KCNN2: variants seen among roughly 807,000 people sequenced by gnomAD.
KCNN2 encodes potassium calcium-activated channel subfamily N member 2, also known as small conductance calcium-activated potassium channel protein 2.
KCNN2 carries 24 observed loss-of-function variants against 55.5 expected under a neutral mutation model. The observed-to-expected ratio is 0.43, with a 90% CI of 0.31 to 0.61. The LOEUF (loss-of-function observed/expected upper bound fraction) is 0.61. Ranked by LOEUF, KCNN2 falls within the 20% of genes least tolerant of loss-of-function variation. KCNN2 has a pLI of 0.08. For synonymous variants in KCNN2, 431 were observed against 336.1 expected (o/e 1.28, Z -3.09); for missense variants, 754 against 853.6 (o/e 0.88, Z 1.45).
At chr5:114,220,360 T>C in intron 1 of KCNN2, among the ~76,000 whole-genome samples, 1 of 152,060 alleles carries the variant, frequency 6.6e-6, no homozygotes, top group Non-Finnish European at 1.5e-5. Flanking sequence ...TACTTTACCA[T>C]GGTAGTGGGC....
chr5:114,412,619 GC>G (rs1318963285), intron 3 of KCNN2, among the ~76,000 whole-genome samples: 1 of 152,126 alleles, frequency 6.6e-6, no homozygotes, highest in East Asian at 1.9e-4. Context: ...GAAATAGGGA[GC>G]CACATATTAG....
intron 1 of KCNN2, among the ~76,000 whole-genome samples, chr5:114,211,728 T>C (rs1197535857): frequency 6.6e-6 from 1 of 152,026 alleles, no homozygotes; most frequent in East Asian, 1.9e-4. Flanking sequence ...GTTACAGTAA[T>C]TGACACATTA....
At chr5:114,382,389 A>G (rs1361591718) in intron 2 of KCNN2, among the ~76,000 whole-genome samples, 1 of 152,190 alleles carries the variant, frequency 6.6e-6, no homozygotes, top group Non-Finnish European at 1.5e-5. Flanking sequence ...TCTGTAGTGG[A>G]TATTCCCCAG....
upstream of KCNN2, among the ~76,000 whole-genome samples, chr5:114,361,457 C>T (rs934083627): frequency 4.6e-5 from 7 of 152,224 alleles, no homozygotes; most frequent in African/African-American, 1.7e-4. Context: ...GCTGCACTGG[C>T]GCAGCCGGTC....
Position 114,473,046 on chromosome 5 carries a change from G to C in KCNN2, c.1780-8G>C, listed in dbSNP as rs1761822239. 3.8e-6 allele frequency: 6 copies of C among 1,581,182 alleles called. No homozygotes were observed. Among genetic ancestry groups the C allele is most frequent in the Non-Finnish European group, 4.3e-6 (5 of 1,156,252 alleles). The stretch of plus-strand genomic sequence containing the variant: ...TGCTTTGGGTTTCTCTTCTCTCCTT[G>C]TTTTCAGGGTGCTGGTTGCACAGCC... On this transcript the variant is annotated splice_polypyrimidine_tract_variant and splice_region_variant and intron_variant, in intron 4 of 7. Transcript: ENST00000673685.
chr5:114,416,821 G>A (rs1038167310), intron 3 of KCNN2, among the ~76,000 whole-genome samples: 1 of 152,164 alleles, frequency 6.6e-6, no homozygotes, highest in Non-Finnish European at 1.5e-5. Flanking sequence ...AAAACCTCAT[G>A]TAGGAATCAT....
At chr5:114,493,864 C>A (rs1286850752) in intron 7 of KCNN2, among the ~76,000 whole-genome samples, 4 of 151,942 alleles carry the variant, frequency 2.6e-5, no homozygotes, top group Non-Finnish European at 4.4e-5. Flanking sequence ...AAATTTTGTC[C>A]TATGTATTTT....
At chr5:114,136,276 G>T (rs1752172302) in intron 1 of KCNN2, among the ~76,000 whole-genome samples, 1 of 152,116 alleles carries the variant, frequency 6.6e-6, no homozygotes, top group African/African-American at 2.4e-5. Flanking sequence ...CTTGAGAGTG[G>T]GTGGTTAGAA....
rs1232747490 is a variant in KCNN2, at chr5:114,483,051, G to GA, written c.1891-3988dup. On this transcript the variant is annotated intron_variant, in intron 5 of 7. Transcript: ENST00000673685. ...CCAGAATTTAAAATAAAATTTGAAGGAAAAAAAAAAAGTCTAGCAGCCTCA... is the reference window on the plus strand; with the variant it reads ...CCAGAATTTAAAATAAAATTTGAAGGAAAAAAAAAAAAGTCTAGCAGCCTCA... Among the ~76,000 whole-genome samples, 916 of 142,842 alleles carry GA rather than the reference G, an allele frequency of 6.4e-3. 9 individuals carry two copies. The highest frequency in any genetic ancestry group is 0.021 in the African/African-American group (821 of 39,188). The allele number at this position is 142,842 out of a possible 152,430, so 93.7% of individuals were successfully genotyped here.
chr5:114,485,326 A>G (rs914802504), intron 5 of KCNN2, among the ~76,000 whole-genome samples: 2 of 152,276 alleles, frequency 1.3e-5, no homozygotes, highest in Non-Finnish European at 2.9e-5. Flanking sequence ...AGGTATCTAC[A>G]GTTGCTTAGA....
chr5:114,164,870 G>A (rs7721339), intron 1 of KCNN2, among the ~76,000 whole-genome samples: 130,321 of 151,746 alleles, frequency 0.86, 56,205 homozygotes, highest in East Asian at 0.94. Context: ...ATTACTAATC[G>A]TAGTTAGCAC....
At chr5:114,333,999 G>C (rs986822995) in intron 2 of KCNN2, among the ~76,000 whole-genome samples, 2 of 152,086 alleles carry the variant, frequency 1.3e-5, no homozygotes, top group South Asian at 2.1e-4. Flanking sequence ...TTCCTATCCA[G>C]TAATGCAGCA....
intron 1 of KCNN2, among the ~76,000 whole-genome samples, chr5:114,131,300 CAG>C (rs1179552891): frequency 6.6e-6 from 1 of 152,102 alleles, no homozygotes; most frequent in African/African-American, 2.4e-5. Context: ...CAACGGGTCT[CAG>C]TGTGTGTTGT....
At chr5:114,466,772 G>T (rs1761474089) in intron 4 of KCNN2, among the ~76,000 whole-genome samples, 1 of 151,886 alleles carries the variant, frequency 6.6e-6, no homozygotes, top group African/African-American at 2.4e-5. Context: ...TCAATAAATG[G>T]TTCTCTAATA....
chr5:114,488,219 T>A (rs4705669), intron 6 of KCNN2, among the ~76,000 whole-genome samples: 125,206 of 152,136 alleles, frequency 0.82, 54,857 homozygotes, highest in East Asian at 0.96. Flanking sequence ...ACAGATTCAT[T>A]CTTCCATAGA....
chr5:114,494,169 A>AAT (rs1213650803), intron 7 of KCNN2, among the ~76,000 whole-genome samples: 1 of 151,992 alleles, frequency 6.6e-6, no homozygotes, highest in Non-Finnish European at 1.5e-5. Context: ...GTGAATTCTA[A>AAT]AGGTGGTATT....
rs752937345 is a variant in KCNN2, at chr5:114,404,599, C to G, written c.1380C>G (p.Ser460=). ...GGCTTGCCTTCTCCTATGCCCCATC[C>G]ACAACCACCGCTGATGTGGATATTA... ...TARLAFSYAP[S]TTTADVDIIL... The change falls in exon 3 of 8, where the codon TCC becomes TCG. Residue 460 remains serine (S), a synonymous_variant. Transcript: ENST00000673685. 1 of 1,613,948 alleles carries G rather than the reference C, an allele frequency of 6.2e-7. No individual in the cohort carries two copies. Among genetic ancestry groups the G allele is most frequent in the Admixed American group, 1.7e-5 (1 of 60,004 alleles).
chr5:114,394,320 T>C (rs77698445), intron 2 of KCNN2, among the ~76,000 whole-genome samples: 561 of 152,304 alleles, frequency 3.7e-3, no homozygotes, highest in African/African-American at 0.013. Flanking sequence ...CCTGCATTCA[T>C]TTTTCTACTG....
intron 1 of KCNN2, among the ~76,000 whole-genome samples, chr5:114,110,207 T>G (rs1474961490): frequency 6.6e-6 from 1 of 152,022 alleles, no homozygotes; most frequent in Non-Finnish European, 1.5e-5. Flanking sequence ...TTTTGTTGTA[T>G]CAGCACAAGA....
Sources: allele counts gnomAD v4.1 joint callset (sites outside exome capture counted in the v4.1 genomes callset), GRCh38; gene constraint gnomAD v4.1.1; transcripts MANE v1.5; gene names NCBI Gene and HGNC (gene_info 2026-07-23, HGNC 2026-07-21).